DSCAM: variants seen among roughly 807,000 people sequenced by gnomAD.
DSCAM encodes cell adhesion molecule DSCAM.
In DSCAM, 47 loss-of-function variants were observed where a neutral mutation model predicts 217.7. The ratio of observed to expected loss-of-function variants is 0.22; its 90% CI spans 0.17 to 0.28. DSCAM has a LOEUF of 0.28. DSCAM is among the 10% of genes least tolerant of loss of function. DSCAM has a pLI of 1.00. For synonymous variants in DSCAM, 1,056 were observed against 1,015.3 expected, an observed-to-expected ratio of 1.04 and a Z score of -0.76; for missense variants, 2,080 against 2,618.3, an observed-to-expected ratio of 0.79 and a Z score of 4.49.
intron 3 of DSCAM, among the ~76,000 whole-genome samples, chr21:40,598,799 G>C (rs1352296220): frequency 6.6e-6 from 1 of 152,058 alleles, no homozygotes; most frequent in African/African-American, 2.4e-5. Flanking sequence ...CACCGCGACT[G>C]GCCCAAACTG....
intron 3 of DSCAM, among the ~76,000 whole-genome samples, chr21:40,635,271 G>A (rs1383183375): frequency 1.3e-5 from 2 of 152,188 alleles, no homozygotes. Context: ...GATGTCAGCA[G>A]GAGGGAAAAG....
At chr21:40,488,830 C>A (rs1244584622) in intron 3 of DSCAM, among the ~76,000 whole-genome samples, 1 of 152,108 alleles carries the variant, frequency 6.6e-6, no homozygotes, top group Non-Finnish European at 1.5e-5. Context: ...AATTTAAATT[C>A]TAGTTATTTC....
intron 3 of DSCAM, among the ~76,000 whole-genome samples, chr21:40,531,665 T>C (rs1346229242): frequency 6.6e-6 from 1 of 152,204 alleles, no homozygotes; most frequent in Non-Finnish European, 1.5e-5. Flanking sequence ...GCAAAAAGGT[T>C]TGGTCCCCAT....
intron 3 of DSCAM, among the ~76,000 whole-genome samples, chr21:40,543,336 G>C (rs542783486): frequency 6.6e-6 from 1 of 152,172 alleles, no homozygotes; most frequent in Non-Finnish European, 1.5e-5. Context: ...GAAATGTTAT[G>C]ATGGCCACTG....
intron 3 of DSCAM, among the ~76,000 whole-genome samples, chr21:40,652,749 T>C (rs1214082375): frequency 6.6e-6 from 1 of 152,206 alleles, no homozygotes; most frequent in Non-Finnish European, 1.5e-5. Context: ...TGTTGCAATT[T>C]CCAGCCTGAT....
chr21:40,706,984 C>T (rs1430589108), intron 2 of DSCAM, among the ~76,000 whole-genome samples: 1 of 152,152 alleles, frequency 6.6e-6, no homozygotes, highest in Non-Finnish European at 1.5e-5. Flanking sequence ...AGGCAGGTAG[C>T]ACAGACGCCA....
At chr21:40,149,317 T>C (rs1440014172) in intron 16 of DSCAM, among the ~76,000 whole-genome samples, 6 of 132,532 alleles carry the variant, frequency 4.5e-5, no homozygotes, top group African/African-American at 1.2e-4. Flanking sequence ...ATCCGTCACT[T>C]CATCACTATC....
intron 3 of DSCAM, among the ~76,000 whole-genome samples, chr21:40,459,497 T>G (rs1569132565): frequency 6.6e-6 from 1 of 152,172 alleles, no homozygotes; most frequent in Non-Finnish European, 1.5e-5. Flanking sequence ...TGCCTAAGTA[T>G]GTACAAAGAA....
chr21:40,718,095 T>C (rs116733002), intron 1 of DSCAM, among the ~76,000 whole-genome samples: 215 of 152,118 alleles, frequency 1.4e-3, no homozygotes, highest in African/African-American at 5.0e-3. Flanking sequence ...AAAAAGTCAA[T>C]AGGAGGCAAA....
intron 11 of DSCAM, among the ~76,000 whole-genome samples, chr21:40,197,643 C>G (rs1022544915): frequency 6.6e-6 from 1 of 152,220 alleles, no homozygotes; most frequent in Non-Finnish European, 1.5e-5. Flanking sequence ...TCTCTTTCCT[C>G]CTTCCTTCCT....
intron 3 of DSCAM, among the ~76,000 whole-genome samples, chr21:40,610,308 G>A (rs1158798962): frequency 7.2e-5 from 11 of 152,132 alleles, no homozygotes; most frequent in African/African-American, 2.7e-4. Context: ...GCACCCAGCC[G>A]TTGTGGACCT....
At chr21:40,355,647 T>C (rs2074683697) in intron 4 of DSCAM, among the ~76,000 whole-genome samples, 1 of 152,194 alleles carries the variant, frequency 6.6e-6, no homozygotes, top group South Asian at 2.1e-4. Flanking sequence ...GCATTCCACA[T>C]GGATATTACA....
At chr21:40,252,228 A>G (rs906640342) in intron 11 of DSCAM, among the ~76,000 whole-genome samples, 1 of 152,172 alleles carries the variant, frequency 6.6e-6, no homozygotes, top group Admixed American at 6.5e-5. Flanking sequence ...ATTAGTTACA[A>G]AGACATAGAT....
intron 3 of DSCAM, among the ~76,000 whole-genome samples, chr21:40,565,592 C>G (rs1021791013): frequency 6.6e-6 from 1 of 152,184 alleles, no homozygotes; most frequent in Non-Finnish European, 1.5e-5. Context: ...TTCTAAATAG[C>G]TTCTGAATTA....
chr21:40,032,459 C>T (rs2146451124), intron 32 of DSCAM, among the ~76,000 whole-genome samples: 1 of 152,106 alleles, frequency 6.6e-6, no homozygotes, highest in South Asian at 2.1e-4. Flanking sequence ...GCATGAGGGC[C>T]CCTGAGTACA....
intron 9 of DSCAM, among the ~76,000 whole-genome samples, chr21:40,301,607 C>CACTCCTCT (rs2074015351): frequency 1.3e-5 from 2 of 152,302 alleles, no homozygotes; most frequent in Admixed American, 6.5e-5. Context: ...GCCTTTATTA[C>CACTCCTCT]GCTCATCTGG....
intron 3 of DSCAM, among the ~76,000 whole-genome samples, chr21:40,506,972 T>C (rs1308804504): frequency 2.6e-5 from 4 of 152,208 alleles, no homozygotes; most frequent in Non-Finnish European, 5.9e-5. Flanking sequence ...AAAAACTTTC[T>C]ATGTTAAAAT....
intron 1 of DSCAM, among the ~76,000 whole-genome samples, chr21:40,717,787 T>C (rs1483865485): frequency 6.6e-6 from 1 of 152,248 alleles, no homozygotes; most frequent in Non-Finnish European, 1.5e-5. Flanking sequence ...AAGTGGATTC[T>C]TTTTATGGTA....
intron 6 of DSCAM, among the ~76,000 whole-genome samples, chr21:40,341,077 A>T (rs1307310019): frequency 6.6e-6 from 1 of 152,186 alleles, no homozygotes; most frequent in Admixed American, 6.5e-5. Flanking sequence ...CCTCCAGGCT[A>T]TGCTCATAAG....
Sources: allele counts gnomAD v4.1 joint callset (sites outside exome capture counted in the v4.1 genomes callset), GRCh38; gene constraint gnomAD v4.1.1; transcripts MANE v1.5; gene names NCBI Gene and HGNC (gene_info 2026-07-23, HGNC 2026-07-21).